The following EFNA5 variants were observed in gnomAD, a reference collection of about 807,000 sequenced individuals.
EFNA5 encodes the protein ephrin-A5.
In EFNA5, 5 loss-of-function variants were observed where a neutral mutation model predicts 22.9. The ratio of observed to expected loss-of-function variants is 0.22; its 90% CI spans 0.11 to 0.46. EFNA5 has a LOEUF of 0.46. Among genes scored for constraint, EFNA5 ranks in the 20% least tolerant of loss-of-function variants. The pLI, the probability that EFNA5 is intolerant of heterozygous loss-of-function variation, is 0.99. For synonymous variants in EFNA5, 113 were observed against 112.2 expected (o/e 1.01, Z -0.04); for missense variants, 237 against 293.3 (o/e 0.81, Z 1.40).
At chr5:107,386,189 G>A (rs913841996) in intron 4 of EFNA5, among the ~76,000 whole-genome samples, 4 of 148,748 alleles carry the variant, frequency 2.7e-5, no homozygotes, top group African/African-American at 7.4e-5. Context: ...TTTACATAAG[G>A]GGGCTCAAAT....
At chr5:107,635,281 T>C (rs189757610) in intron 1 of EFNA5, among the ~76,000 whole-genome samples, 2 of 152,376 alleles carry the variant, frequency 1.3e-5, no homozygotes, top group Non-Finnish European at 2.9e-5. Flanking sequence ...TTTTATTTTT[T>C]GCTTTGAGCC....
At chr5:107,437,013 T>A (rs76643091) in intron 1 of EFNA5, among the ~76,000 whole-genome samples, 2,457 of 152,304 alleles carry the variant, frequency 0.016, 54 homozygotes, top group African/African-American at 0.057. Flanking sequence ...AGTTCTTAAG[T>A]ACTTGGTGTG....
intron 2 of EFNA5, among the ~76,000 whole-genome samples, chr5:107,402,122 T>C (rs748988078): frequency 1.1e-4 from 16 of 152,294 alleles, no homozygotes; most frequent in Non-Finnish European, 1.8e-4. Context: ...TGGAGATATG[T>C]AGATATTCAA....
intron 1 of EFNA5, among the ~76,000 whole-genome samples, chr5:107,611,185 G>A (rs1749814220): frequency 6.6e-6 from 1 of 151,866 alleles, no homozygotes; most frequent in Non-Finnish European, 1.5e-5. Flanking sequence ...TGAAGCCAGA[G>A]CCCACCGACA....
intron 1 of EFNA5, among the ~76,000 whole-genome samples, chr5:107,460,123 A>G (rs1749796130): frequency 6.6e-6 from 1 of 152,192 alleles, no homozygotes; most frequent in Admixed American, 6.6e-5. Context: ...CTACTCTGCT[A>G]ATCAAGAGGT....
chr5:107,580,726 A>C (rs1316420284), intron 1 of EFNA5, among the ~76,000 whole-genome samples: 1 of 143,396 alleles, frequency 7.0e-6, no homozygotes, highest in Non-Finnish European at 1.5e-5. Flanking sequence ...CATCTCAAAA[A>C]AAAAAAAAAA....
chr5:107,602,018 T>C (rs182585697), intron 1 of EFNA5, among the ~76,000 whole-genome samples: 1 of 152,304 alleles, frequency 6.6e-6, no homozygotes, highest in East Asian at 1.9e-4. Context: ...ATTTACTGAA[T>C]ACTAACAATG....
At chr5:107,576,543 A>C (rs1352693274) in intron 1 of EFNA5, among the ~76,000 whole-genome samples, 1 of 152,196 alleles carries the variant, frequency 6.6e-6, no homozygotes, top group African/African-American at 2.4e-5. Flanking sequence ...ATTTCTTTCA[A>C]TTGTCTTAGA....
At chr5:107,542,340 T>C (rs1381650296) in intron 1 of EFNA5, among the ~76,000 whole-genome samples, 6 of 152,184 alleles carry the variant, frequency 3.9e-5, no homozygotes, top group South Asian at 2.1e-4. Context: ...TCTGGTCCTA[T>C]AGGCACAGTG....
intron 2 of EFNA5, among the ~76,000 whole-genome samples, chr5:107,389,310 T>C (rs1253746322): frequency 2.6e-5 from 4 of 152,222 alleles, no homozygotes; most frequent in African/African-American, 9.6e-5. Flanking sequence ...CAGGAAATGG[T>C]GTCCTTCCTG....
At chr5:107,618,254 A>T (rs1749964927) in intron 1 of EFNA5, among the ~76,000 whole-genome samples, 1 of 152,230 alleles carries the variant, frequency 6.6e-6, no homozygotes, top group African/African-American at 2.4e-5. Context: ...TAATTTGATA[A>T]TAAAATCTTG....
intron 1 of EFNA5, among the ~76,000 whole-genome samples, chr5:107,657,193 T>C (rs1750844824): frequency 6.6e-6 from 1 of 152,128 alleles, no homozygotes; most frequent in African/African-American, 2.4e-5. Context: ...AAAAACAGTA[T>C]TAAGAACTAC....
chr5:107,491,948 C>T (rs1272870872), intron 1 of EFNA5, among the ~76,000 whole-genome samples: 1 of 152,154 alleles, frequency 6.6e-6, no homozygotes, highest in East Asian at 1.9e-4. Flanking sequence ...GATTCTCATG[C>T]TTCAGCCTCC....
At chr5:107,549,552 C>G (rs1017014025) in intron 1 of EFNA5, among the ~76,000 whole-genome samples, 1 of 152,238 alleles carries the variant, frequency 6.6e-6, no homozygotes, top group African/African-American at 2.4e-5. Context: ...AACAGATGGG[C>G]CTGGACCATC....
intron 1 of EFNA5, among the ~76,000 whole-genome samples, chr5:107,430,062 T>A (rs1242691778): frequency 6.6e-6 from 1 of 152,192 alleles, no homozygotes; most frequent in Non-Finnish European, 1.5e-5. Flanking sequence ...ACCATTTTTT[T>A]AAAAACCGAA....
At chr5:107,524,173 T>G (rs147536588) in intron 1 of EFNA5, among the ~76,000 whole-genome samples, 1 of 152,364 alleles carries the variant, frequency 6.6e-6, no homozygotes, top group African/African-American at 2.4e-5. Context: ...ACGCACATTC[T>G]AACTTGAAAT....
intron 1 of EFNA5, among the ~76,000 whole-genome samples, chr5:107,557,476 G>A (rs1049899940): frequency 2.6e-5 from 4 of 152,246 alleles, no homozygotes; most frequent in African/African-American, 9.6e-5. Context: ...GGGTTGACAG[G>A]AATTCCGAGA....
chr5:107,619,503 C>A (rs546406044), intron 1 of EFNA5, among the ~76,000 whole-genome samples: 5 of 151,632 alleles, frequency 3.3e-5, no homozygotes, highest in African/African-American at 1.2e-4. Flanking sequence ...CTCTCTGTTG[C>A]CCAGGCTGGA....
intron 1 of EFNA5, among the ~76,000 whole-genome samples, chr5:107,629,247 A>C (rs1380017857): frequency 6.6e-6 from 1 of 152,210 alleles, no homozygotes; most frequent in Non-Finnish European, 1.5e-5. Context: ...TTACTAAATG[A>C]TTCTAAATAT....
Sources: allele counts gnomAD v4.1 joint callset (sites outside exome capture counted in the v4.1 genomes callset), GRCh38; gene constraint gnomAD v4.1.1; transcripts MANE v1.5; gene names NCBI Gene and HGNC (gene_info 2026-07-23, HGNC 2026-07-21).